EML6: variants seen among roughly 807,000 people sequenced by gnomAD.
The protein encoded by EML6 is EMAP like 6.
A neutral mutation model predicts 240.1 loss-of-function variants in EML6; 154 were observed. The observed-to-expected ratio is 0.64, with a 90% CI of 0.56 to 0.73. The LOEUF is 0.73. Among genes scored for constraint, EML6 ranks in the 30% least tolerant of loss-of-function variants. The pLI is 0.00. For missense variants in EML6, 2,964 were observed against 2,474.6 expected (o/e 1.20, Z -4.20); for synonymous variants, 1,148 against 899.0 (o/e 1.28, Z -4.95).
At chr2:54,966,756 CAG>C (rs1442711690) in intron 38 of EML6, 77 of 273,506 alleles carry the variant, frequency 2.8e-4, no homozygotes, top group African/African-American at 1.6e-3. Context: ...GAACCACACT[CAG>C]AGAACCGCTA....
intron 2 of EML6, among the ~76,000 whole-genome samples, chr2:54,733,753 A>G (rs1683269490): frequency 6.6e-6 from 1 of 152,198 alleles, no homozygotes. Flanking sequence ...TTCCCAGGAA[A>G]GAGAATCGAA....
intron 13 of EML6, among the ~76,000 whole-genome samples, chr2:54,864,658 A>G (rs1418503653): frequency 6.6e-6 from 1 of 152,250 alleles, no homozygotes; most frequent in Non-Finnish European, 1.5e-5. Context: ...AGTGTCGCCA[A>G]TAGAGATTTA....
At chr2:54,794,148 T>C (rs982240847) in intron 2 of EML6, among the ~76,000 whole-genome samples, 1 of 152,114 alleles carries the variant, frequency 6.6e-6, no homozygotes, top group Non-Finnish European at 1.5e-5. Context: ...TTCGGACAAA[T>C]ATAAAGGCTA....
At chr2:54,906,552 G>T (rs975414838) in intron 24 of EML6, among the ~76,000 whole-genome samples, 1 of 152,180 alleles carries the variant, frequency 6.6e-6, no homozygotes, top group East Asian at 1.9e-4. Context: ...GAGAGGAGTG[G>T]AGTCAAAGGT....
chr2:54,875,716 G>C (rs1310486278), intron 16 of EML6, among the ~76,000 whole-genome samples: 1 of 152,218 alleles, frequency 6.6e-6, no homozygotes, highest in Non-Finnish European at 1.5e-5. Flanking sequence ...TATTATCTCA[G>C]TTGAGAACCT....
chr2:54,879,761 T>G (rs1573054691), intron 17 of EML6, 121 bp downstream of exon 17: 4 of 679,320 alleles, frequency 5.9e-6, no homozygotes, highest in Middle Eastern at 2.5e-4. Flanking sequence ...GTAGAAGGCT[T>G]AGCACCTAAG....
chr2:54,964,842 C>G (rs1164037999), intron 38 of EML6, 109 bp downstream of exon 38: 2 of 995,624 alleles, frequency 2.0e-6, no homozygotes, highest in East Asian at 2.7e-5. Context: ...TGCTAACTCA[C>G]TCTTCACCAG....
intron 2 of EML6, among the ~76,000 whole-genome samples, chr2:54,766,080 A>G (rs777914604): frequency 6.6e-5 from 10 of 152,050 alleles, no homozygotes; most frequent in Admixed American, 3.3e-4. Context: ...ATCCACATGT[A>G]TATGTATGTA....
intron 2 of EML6, among the ~76,000 whole-genome samples, chr2:54,797,419 C>T (rs1357695218): frequency 1.3e-5 from 2 of 152,070 alleles, no homozygotes; most frequent in African/African-American, 4.8e-5. Flanking sequence ...CTGTCTTAAT[C>T]TGCTTAGGAT....
At chr2:54,819,796 ATAG>A (rs1668248950) in intron 4 of EML6, among the ~76,000 whole-genome samples, 1 of 151,758 alleles carries the variant, frequency 6.6e-6, no homozygotes, top group Non-Finnish European at 1.5e-5. Flanking sequence ...AAAAAGACAA[ATAG>A]TAGTTGCAGA....
At chr2:54,880,318 G>T (rs540171058) in intron 17 of EML6, 10 of 152,292 alleles carry the variant, frequency 6.6e-5, no homozygotes, top group East Asian at 5.8e-4. Context: ...AATACAATTT[G>T]TTGCCGAGGC....
intron 28 of EML6, among the ~76,000 whole-genome samples, chr2:54,931,211 C>T (rs1239641833): frequency 6.6e-6 from 1 of 152,154 alleles, no homozygotes; most frequent in Non-Finnish European, 1.5e-5. Flanking sequence ...CCCGCCTCGG[C>T]CTCCCAAAGT....
chr2:54,811,456 ACTCCATCCTCCATCTTT>A (rs962512771), intron 2 of EML6, among the ~76,000 whole-genome samples: 6 of 151,956 alleles, frequency 3.9e-5, no homozygotes, highest in Non-Finnish European at 7.4e-5. Context: ...GCAGCTGGTC[ACTCCATCCTCCATCTTT>A]CTCCATCCTC....
chr2:54,816,853 C>T lies in EML6; in HGVS notation c.424C>T (p.Leu142Phe). The change falls in exon 4 of 42, where the codon CTT (leucine) becomes TTT (phenylalanine). Residue 142 changes from leucine to phenylalanine, a missense_variant. Coordinates refer to ENST00000356458, the MANE Select transcript of EML6 (RefSeq NM_001039753.4). ...CATTTGGGACTGGAGGAAGGGAAAA[C>T]TTCTGGCGTCAGCCACCGGCCATTC... is the stretch of plus-strand genomic sequence containing the variant. ...VCIWDWRKGK[L>F]LASATGHSDR... is the part of the protein sequence containing the mutation. The T allele has an allele frequency of 6.4e-7, 1 of 1,551,516 alleles. No homozygotes were observed. The highest frequency in any genetic ancestry group is 8.7e-7 in the Non-Finnish European group (1 of 1,146,818).
intron 4 of EML6, among the ~76,000 whole-genome samples, chr2:54,819,063 A>G (rs1364424423): frequency 1.3e-5 from 2 of 152,252 alleles, no homozygotes; most frequent in Non-Finnish European, 2.9e-5. Context: ...TTAAGGTTAG[A>G]GATGCTCAGA....
At chr2:54,886,642 C>G (rs1309977008) in intron 17 of EML6, among the ~76,000 whole-genome samples, 4 of 152,170 alleles carry the variant, frequency 2.6e-5, no homozygotes, top group Non-Finnish European at 4.4e-5. Flanking sequence ...TTATAGCCAC[C>G]TCATCAGTGT....
At chr2:54,740,211 A>G (rs1455788231) in intron 2 of EML6, among the ~76,000 whole-genome samples, 1 of 152,056 alleles carries the variant, frequency 6.6e-6, no homozygotes, top group Non-Finnish European at 1.5e-5. Context: ...TGGGTGAGAT[A>G]CCCAGAGAAG....
chr2:54,954,718 C>G (rs1255596744), intron 32 of EML6, among the ~76,000 whole-genome samples: 3 of 152,114 alleles, frequency 2.0e-5, no homozygotes, highest in Non-Finnish European at 4.4e-5. Context: ...GCACACACAC[C>G]TCACACACAT....
intron 10 of EML6, among the ~76,000 whole-genome samples, chr2:54,852,025 T>A (rs1670118129): frequency 6.6e-6 from 1 of 152,244 alleles, no homozygotes; most frequent in Non-Finnish European, 1.5e-5. Flanking sequence ...TTAGAAACTC[T>A]GAGATCAGCT....
Sources: gnomAD v4.1 joint callset for allele counts (sites outside exome capture counted in the v4.1 genomes callset) on GRCh38, gnomAD v4.1.1 for gene constraint, MANE v1.5 for transcripts, NCBI Gene and HGNC (gene_info 2026-07-23, HGNC 2026-07-21) for gene names.